The following OSBP2 variants were observed in gnomAD, a reference collection of about 807,000 sequenced individuals.
OSBP2 encodes oxysterol-binding protein 2.
Under a neutral mutation model 96.0 loss-of-function variants are expected in OSBP2, and 66 were observed. The ratio of observed to expected loss-of-function variants is 0.69; its 90% CI spans 0.56 to 0.84. The LOEUF (loss-of-function observed/expected upper bound fraction) is 0.84, where lower values mean the gene tolerates loss of function less well. Among genes scored for constraint, OSBP2 ranks in the 40% least tolerant of loss-of-function variants. The pLI is 0.00. For synonymous variants in OSBP2, 525 were observed against 520.9 expected (o/e 1.01, Z -0.11); for missense variants, 1,038 against 1,222.7 (o/e 0.85, Z 2.25).
At chr22:30,781,247 G>T (rs1173089634) in intron 2 of OSBP2, among the ~76,000 whole-genome samples, 4 of 151,522 alleles carry the variant, frequency 2.6e-5, no homozygotes, top group African/African-American at 9.7e-5. Context: ...CTCCCAAAGT[G>T]CTGGGATTAC....
intron 2 of OSBP2, among the ~76,000 whole-genome samples, chr22:30,760,844 A>G (rs912472060): frequency 1.3e-5 from 2 of 152,120 alleles, no homozygotes; most frequent in African/African-American, 4.8e-5. Context: ...AAGAAAATCA[A>G]TATAAATGGA....
intron 1 of OSBP2, among the ~76,000 whole-genome samples, chr22:30,740,167 A>G (rs2089919097): frequency 6.6e-6 from 1 of 151,834 alleles, no homozygotes; most frequent in Non-Finnish European, 1.5e-5. Context: ...GTTTTTAAGG[A>G]TAACTTGGAG....
At chr22:30,781,147 T>A (rs1230920614) in intron 2 of OSBP2, among the ~76,000 whole-genome samples, 2 of 150,948 alleles carry the variant, frequency 1.3e-5, no homozygotes, top group East Asian at 3.9e-4. Flanking sequence ...GGCTAATTTT[T>A]TTTTTTTTTT....
At chr22:30,785,521 C>A (rs555880459) in intron 2 of OSBP2, among the ~76,000 whole-genome samples, 2 of 148,024 alleles carry the variant, frequency 1.4e-5, no homozygotes, top group East Asian at 4.0e-4. Flanking sequence ...GAGCCAAGAT[C>A]GCGCCATTGC....
At chr22:30,797,265 T>C (rs2090777779) in intron 2 of OSBP2, among the ~76,000 whole-genome samples, 1 of 152,214 alleles carries the variant, frequency 6.6e-6, no homozygotes, top group Non-Finnish European at 1.5e-5. Context: ...TGAGCAATGC[T>C]GCTATGTTTA....
At chr22:30,810,010 C>T (rs2090984876) in intron 2 of OSBP2, among the ~76,000 whole-genome samples, 1 of 151,874 alleles carries the variant, frequency 6.6e-6, no homozygotes, top group Admixed American at 6.6e-5. Flanking sequence ...AGCTGGGGAC[C>T]GGTGGAATGT....
chr22:30,744,121 C>T (rs2089972060), intron 2 of OSBP2, among the ~76,000 whole-genome samples: 1 of 152,178 alleles, frequency 6.6e-6, no homozygotes, highest in Non-Finnish European at 1.5e-5. Flanking sequence ...CAGACGGCTA[C>T]TCTGTGTTTA....
At chr22:30,706,672 C>T (rs145856066) in intron 1 of OSBP2, among the ~76,000 whole-genome samples, 1 of 152,290 alleles carries the variant, frequency 6.6e-6, no homozygotes, top group Non-Finnish European at 1.5e-5. Context: ...CAGGTCCTGC[C>T]TCTCTTTTCC....
At chr22:30,755,665 C>A (rs1206761504) in intron 2 of OSBP2, among the ~76,000 whole-genome samples, 1 of 152,078 alleles carries the variant, frequency 6.6e-6, no homozygotes, top group Non-Finnish European at 1.5e-5. Flanking sequence ...TTTATAAGGT[C>A]CCCACAGGGT....
In OSBP2 at chr22:30,843,997, C is replaced by T. The variant is rs1361589444; in HGVS notation, c.854-26432C>T. Among the ~76,000 whole-genome samples, 19 of 152,090 alleles carry T rather than the reference C, an allele frequency of 1.2e-4. No homozygotes were observed. In the East Asian group the frequency reaches 3.7e-3, roughly 30 times the overall value. Reference sequence around the variant, plus strand: ...TCAGGTGATCTTCCTACCTCAACCTCCCGAGTAGCTGGGACCACAGGTGTA... The same window carrying T: ...TCAGGTGATCTTCCTACCTCAACCTTCCGAGTAGCTGGGACCACAGGTGTA... On this transcript the variant is annotated intron_variant, in intron 2 of 13. Coordinates refer to ENST00000332585, the MANE Select transcript of OSBP2 (RefSeq NM_030758.4).
At chr22:30,784,589 G>T (rs1047590507) in intron 2 of OSBP2, among the ~76,000 whole-genome samples, 1 of 151,912 alleles carries the variant, frequency 6.6e-6, no homozygotes, top group Non-Finnish European at 1.5e-5. Context: ...TATCCTTCTG[G>T]AATTTGTTTT....
chr22:30,848,740 A>G (rs998413444), intron 2 of OSBP2, among the ~76,000 whole-genome samples: 3 of 152,132 alleles, frequency 2.0e-5, no homozygotes, highest in African/African-American at 7.2e-5. Flanking sequence ...ATGTTATGTG[A>G]ATATGTAGTT....
intron 2 of OSBP2, among the ~76,000 whole-genome samples, chr22:30,798,488 T>A (rs953701341): frequency 2.0e-5 from 3 of 152,226 alleles, no homozygotes; most frequent in African/African-American, 7.2e-5. Flanking sequence ...ACCCAAGAAA[T>A]GTTTGCCAAT....
intron 3 of OSBP2, among the ~76,000 whole-genome samples, chr22:30,878,772 C>A (rs977322369): frequency 5.3e-5 from 8 of 152,118 alleles, no homozygotes; most frequent in Admixed American, 5.2e-4. Context: ...GCTGGCTGGG[C>A]AGTATGGGGT....
At chr22:30,707,909 C>T (rs2089281218) in intron 1 of OSBP2, among the ~76,000 whole-genome samples, 1 of 150,096 alleles carries the variant, frequency 6.7e-6, no homozygotes, top group Non-Finnish European at 1.5e-5. Flanking sequence ...TTTTTTGAGA[C>T]AGAGTCTCAC....
chr22:30,841,454 A>T (rs550526899), intron 2 of OSBP2, among the ~76,000 whole-genome samples: 2 of 152,180 alleles, frequency 1.3e-5, no homozygotes, highest in Non-Finnish European at 2.9e-5. Context: ...CAATTAGCAT[A>T]ATGTTTTCAG....
rs368445421 is a variant in OSBP2 at position 30,906,250 on chromosome 22, C to G, written c.2662C>G (p.Leu888Val). Residue 888 changes from leucine to valine, a missense_variant, in exon 14 of 14, where the codon CTG becomes GTG. Leu to Val is a conservative substitution (Grantham distance 32). Transcript: ENST00000332585. Reference sequence around the variant, plus strand: ...GTGGTTTGAGAAGAGGCTGGATCCGCTGACCGGGGAGATGGCCTGTGTGTA... The same window carrying G: ...GTGGTTTGAGAAGAGGCTGGATCCGGTGACCGGGGAGATGGCCTGTGTGTA... Reference protein sequence around the residue: ...PLWFEKRLDPLTGEMACVYKG... With the variant: ...PLWFEKRLDPVTGEMACVYKG... 6.8e-4 allele frequency: 1,098 copies of G among 1,614,202 alleles called. 15 individuals carry two copies. In the South Asian group the frequency reaches 0.012, roughly 17 times the overall value.
chr22:30,814,228 G>T (rs2091051613), intron 2 of OSBP2, among the ~76,000 whole-genome samples: 1 of 152,056 alleles, frequency 6.6e-6, no homozygotes, highest in African/African-American at 2.4e-5. Context: ...AATTGATTCT[G>T]TCACAGTTCT....
intron 2 of OSBP2, among the ~76,000 whole-genome samples, chr22:30,788,513 C>A (rs1487934878): frequency 1.3e-5 from 2 of 152,112 alleles, no homozygotes; most frequent in African/African-American, 2.4e-5. Flanking sequence ...TTTAATCTGA[C>A]AGATACAAAA....
Sources: allele counts gnomAD v4.1 joint callset (sites outside exome capture counted in the v4.1 genomes callset), GRCh38; gene constraint gnomAD v4.1.1; transcripts MANE v1.5; gene names NCBI Gene and HGNC (gene_info 2026-07-23, HGNC 2026-07-21).